ZNF236: variants seen among roughly 807,000 people sequenced by gnomAD.
ZNF236 encodes the protein zinc finger protein 236.
In ZNF236, 50 loss-of-function variants were observed where a neutral mutation model predicts 191.2. The ratio of observed to expected loss-of-function variants is 0.26; its 90% CI spans 0.21 to 0.33. The LOEUF is 0.33. ZNF236 is among the 10% of genes least tolerant of loss of function. The pLI, the probability that ZNF236 is intolerant of heterozygous loss-of-function variation, is 1.00. For synonymous variants in ZNF236, 907 were observed against 928.8 expected, an observed-to-expected ratio of 0.98 and a Z score of 0.43; for missense variants, 1,754 against 2,374.5, an observed-to-expected ratio of 0.74 and a Z score of 5.43.
chr18:76,949,964 CG>C (rs1481041937), intron 27 of ZNF236, among the ~76,000 whole-genome samples: 2 of 6,730 alleles, frequency 3.0e-4, no homozygotes, highest in East Asian at 0.083. Context: ...ACCAGCATTA[CG>C]TTTTTTTTTT....
At chr18:76,902,159 T>A (rs1977611699) in intron 11 of ZNF236, among the ~76,000 whole-genome samples, 1 of 152,194 alleles carries the variant, frequency 6.6e-6, no homozygotes, top group South Asian at 2.1e-4. Flanking sequence ...ATGAGGGAAA[T>A]GATTGCTAGA....
intron 26 of ZNF236, among the ~76,000 whole-genome samples, chr18:76,939,065 C>T (rs761662783): frequency 3.9e-4 from 60 of 152,088 alleles, no homozygotes; most frequent in African/African-American, 1.4e-3. Context: ...ACTGGCTGGG[C>T]GTGGTGGCTC....
intron 1 of ZNF236, among the ~76,000 whole-genome samples, chr18:76,848,975 T>A (rs1975781062): frequency 6.6e-6 from 1 of 152,214 alleles, no homozygotes; most frequent in Non-Finnish European, 1.5e-5. Flanking sequence ...CTTTTTTACT[T>A]AATCTTGTTT....
intron 1 of ZNF236, among the ~76,000 whole-genome samples, chr18:76,824,586 G>A (rs191121528): frequency 6.6e-6 from 1 of 152,306 alleles, no homozygotes; most frequent in African/African-American, 2.4e-5. Flanking sequence ...GTAAGGTGCA[G>A]TGTCTCAGTT....
chr18:76,894,393 C>G (rs369118242), intron 9 of ZNF236, among the ~76,000 whole-genome samples: 1 of 152,262 alleles, frequency 6.6e-6, no homozygotes, highest in East Asian at 1.9e-4. Flanking sequence ...GGCAGTATTT[C>G]CTGCTGAAAA....
At chr18:76,948,458 G>A (rs1968323035) in intron 27 of ZNF236, among the ~76,000 whole-genome samples, 1 of 152,188 alleles carries the variant, frequency 6.6e-6, no homozygotes, top group South Asian at 2.1e-4. Flanking sequence ...CCCCAAGACT[G>A]CCTTCAGGTT....
rs1356777737 is a variant in ZNF236 at position 76,959,754 on chromosome 18, A to G, written c.5180A>G (p.Asp1727Gly). The change falls in exon 29 of 31, where the codon GAC (aspartate) becomes GGC (glycine). Residue 1727 changes from aspartate (D) to glycine (G), a missense_variant. Around this residue, in one of 5 missense-constraint regions of ZNF236, gnomAD observed 606 missense variants for 761.5 expected, o/e 0.80. Coordinates refer to ENST00000320610, the MANE Select transcript of ZNF236 (RefSeq NM_001306089.2). ...SSQKPRVFKC[D>G]TCEKAFAKPS... ...CAGAAGCCAAGAGTGTTTAAATGTG[A>G]CACTTGTGAGAAGGCATTTGCCAAA... 7 of 1,613,988 alleles carry G rather than the reference A, an allele frequency of 4.3e-6. No homozygotes were observed. The South Asian group carries it at 6.6e-5, about 15-fold the overall frequency.
intron 20 of ZNF236, among the ~76,000 whole-genome samples, chr18:76,922,524 A>T (rs1291848150): frequency 1.4e-5 from 2 of 147,386 alleles, no homozygotes; most frequent in Non-Finnish European, 3.0e-5. Context: ...TGCTGATTTG[A>T]TTTGTCAGAG....
chr18:76,852,896 T>C (rs1167199902), intron 3 of ZNF236, among the ~76,000 whole-genome samples: 1 of 152,196 alleles, frequency 6.6e-6, no homozygotes, highest in Admixed American at 6.5e-5. Flanking sequence ...ACACATTTCT[T>C]AGAAACCTTA....
intron 1 of ZNF236, among the ~76,000 whole-genome samples, chr18:76,829,408 A>G (rs1370852790): frequency 1.3e-5 from 2 of 150,766 alleles, no homozygotes; most frequent in African/African-American, 4.9e-5. Flanking sequence ...GCTCACTGTA[A>G]TCTCTGCCTC....
chr18:76,882,474 T>C (rs1242962893), intron 9 of ZNF236, among the ~76,000 whole-genome samples: 1 of 152,202 alleles, frequency 6.6e-6, no homozygotes, highest in Non-Finnish European at 1.5e-5. Flanking sequence ...TCAATATGGC[T>C]CTTTCTACAG....
chr18:76,969,481 A>G lies in ZNF236; in HGVS notation c.*1142A>G, dbSNP rs1968868167. On this transcript the variant is annotated 3_prime_UTR_variant, in exon 31 of 31. Coordinates refer to ENST00000320610, the MANE Select transcript of ZNF236 (RefSeq NM_001306089.2). ...GGGCCTCTGTGTGGCTGAACAGTAT[A>G]TTTTGTAAATATAAGTACTAGTCCT... The G allele has an allele frequency of 1.3e-5, 2 of 152,552 alleles. No individual in the cohort carries two copies. Among genetic ancestry groups the G allele is most frequent in the Non-Finnish European group, 2.9e-5 (2 of 68,040 alleles). 9.4% of individuals were successfully genotyped at this position (152,552 alleles called of 1,614,324 possible). A position where few individuals can be genotyped will look rare whatever the true frequency, so the allele number is the denominator to read the frequency against.
intron 5 of ZNF236, among the ~76,000 whole-genome samples, chr18:76,873,786 C>T (rs1416053174): frequency 2.0e-5 from 3 of 152,160 alleles, no homozygotes; most frequent in African/African-American, 7.2e-5. Flanking sequence ...GCCGTGCCTC[C>T]TGCCTGCCTG....
chr18:76,932,831 C>T (rs74552642), intron 25 of ZNF236, among the ~76,000 whole-genome samples: 1,800 of 152,246 alleles, frequency 0.012, 25 homozygotes, highest in African/African-American at 0.041. Context: ...TTGCTTGATT[C>T]GAAATTGGGG....
At chr18:76,963,779 A>C (rs1199452801) in intron 30 of ZNF236, among the ~76,000 whole-genome samples, 2 of 152,188 alleles carry the variant, frequency 1.3e-5, no homozygotes, top group Non-Finnish European at 1.5e-5. Context: ...CAGGGTATCT[A>C]ATTCTTCCTG....
Position 76,927,524 on chromosome 18 carries a change from G to A in ZNF236, c.4414+7G>A, listed in dbSNP as rs201700407. The A allele has an allele frequency of 8.9e-5, 142 of 1,604,074 alleles. No individual in the cohort carries two copies. The highest frequency in any genetic ancestry group is 1.5e-5 in the Non-Finnish European group (18 of 1,174,362). ...CTGACCACTAACAGCAGTGGTAAGAGCCACTCACTTTTGCTTATTTTGACA... is the reference window on the plus strand; with the variant it reads ...CTGACCACTAACAGCAGTGGTAAGAACCACTCACTTTTGCTTATTTTGACA... On this transcript the variant is annotated splice_region_variant and intron_variant, in intron 24 of 30. Coordinates refer to ENST00000320610, the MANE Select transcript of ZNF236 (RefSeq NM_001306089.2). The surrounding 1 kb of genome is among the most constrained non-coding windows in gnomAD (Gnocchi z 5.4).
chr18:76,919,555 TC>T lies in ZNF236; in HGVS notation c.3275-216del, dbSNP rs1206502476. Among the ~76,000 whole-genome samples the T allele has an allele frequency of 6.6e-6, 1 of 152,122 alleles. No individual in the cohort carries two copies. The highest frequency in any genetic ancestry group is 1.5e-5 in the Non-Finnish European group (1 of 68,014). ...TCACCCCTTCACCAACCTCTGTTCA[TC>T]CCCCGCCCCCCACTTTCCAGTACAC... On this transcript the variant is annotated intron_variant, in intron 19 of 30. Transcript: ENST00000320610. This position sits in a 1 kb window ranked among gnomAD's most constrained non-coding sequence, Gnocchi z 5.3.
At position 76,876,760 on chromosome 18, in the gene ZNF236, T is replaced by C. The variant is rs1029394444; in HGVS notation, c.840+1096T>C. 3.9e-5 allele frequency among the ~76,000 whole-genome samples: 6 copies of C among 152,198 alleles called. No homozygotes were observed. In the East Asian group the frequency reaches 7.7e-4, roughly 20 times the overall value. ...TGGTGTTGCCTCTGGGTGAAGATGA[T>C]TGCATAGGAAGGATCGTCTATTTGT... is the stretch of plus-strand genomic sequence containing the variant. On this transcript the variant is annotated intron_variant, in intron 6 of 30. Coordinates refer to ENST00000320610, the MANE Select transcript of ZNF236 (RefSeq NM_001306089.2).
chr18:76,913,950 A>C (rs1488867489), intron 18 of ZNF236, 52 bp downstream of exon 18: 1 of 1,597,660 alleles, frequency 6.3e-7, no homozygotes, highest in East Asian at 2.2e-5. Flanking sequence ...AAAAAGCTTT[A>C]TTGAGATATA....
Sources: gnomAD v4.1 joint callset for allele counts (sites outside exome capture counted in the v4.1 genomes callset) on GRCh38, gnomAD v4.1.1 for gene constraint, gnomAD v4.1.1 regional missense constraint, Gnocchi (gnomAD v3.1) non-coding constraint, MANE v1.5 for transcripts, NCBI Gene and HGNC (gene_info 2026-07-23, HGNC 2026-07-21) for gene names.